PLCXD3: variants seen among roughly 807,000 people sequenced by gnomAD.
PLCXD3 encodes phosphatidylinositol specific phospholipase C X domain containing 3, also known as PI-PLC X domain-containing protein 3.
Under a neutral mutation model 25.5 loss-of-function variants are expected in PLCXD3, and 19 were observed. The observed-to-expected ratio is 0.75, with a 90% CI of 0.52 to 1.09. The LOEUF (loss-of-function observed/expected upper bound fraction) is 1.09, where lower values mean the gene tolerates loss of function less well. PLCXD3 is among the 50% of genes least tolerant of loss of function. The pLI is 0.00. For missense variants in PLCXD3, 411 were observed against 388.1 expected (o/e 1.06, Z -0.50); for synonymous variants, 174 against 137.6 (o/e 1.26, Z -1.85).
rs538921592 is a variant in PLCXD3 at position 41,307,206 on chromosome 5, A to G, written c.*6411T>C. ...CCAGCTCTGCAAATTCCCATCCTCCAGAAATGAAGCAAATCAACACAAATG... is the reference window on the plus strand; with the variant it reads ...CCAGCTCTGCAAATTCCCATCCTCCGGAAATGAAGCAAATCAACACAAATG... On this transcript the variant is annotated 3_prime_UTR_variant, in exon 3 of 3. Coordinates refer to ENST00000377801, the MANE Select transcript of PLCXD3 (RefSeq NM_001005473.3). The G allele has an allele frequency of 1.3e-5, 2 of 152,710 alleles. No homozygotes were observed. Among genetic ancestry groups the G allele is most frequent in the Non-Finnish European group, 2.9e-5 (2 of 68,012 alleles). The allele number at this position is 152,710 out of a possible 1,614,324, so 9.5% of individuals were successfully genotyped here. A position where few individuals can be genotyped will look rare whatever the true frequency, so the allele number is the denominator to read the frequency against.
At chr5:41,444,226 TAG>T (rs1426854936) in intron 1 of PLCXD3, among the ~76,000 whole-genome samples, 1 of 152,190 alleles carries the variant, frequency 6.6e-6, no homozygotes, top group East Asian at 1.9e-4. Flanking sequence ...TCCCACAGAT[TAG>T]GGTTTGTTGA....
intron 1 of PLCXD3, among the ~76,000 whole-genome samples, chr5:41,445,519 A>G (rs1747473687): frequency 6.6e-6 from 1 of 152,224 alleles, no homozygotes; most frequent in African/African-American, 2.4e-5. Flanking sequence ...TATGCCACCA[A>G]TTCTCCTCAC....
chr5:41,467,908 T>A (rs1398827084), intron 1 of PLCXD3, among the ~76,000 whole-genome samples: 1 of 151,966 alleles, frequency 6.6e-6, no homozygotes. Flanking sequence ...TTGTGTTCCA[T>A]GGGTTGATGT....
chr5:41,413,343 G>A (rs1398340060), intron 1 of PLCXD3, among the ~76,000 whole-genome samples: 1 of 152,168 alleles, frequency 6.6e-6, no homozygotes, highest in African/African-American at 2.4e-5. Context: ...GAACCATTTT[G>A]TTTCTGCACT....
At chr5:41,375,030 C>T (rs554328487) in intron 2 of PLCXD3, among the ~76,000 whole-genome samples, 1 of 152,200 alleles carries the variant, frequency 6.6e-6, no homozygotes, top group East Asian at 1.9e-4. Context: ...CTAGACCCAT[C>T]CCTTCCGGGT....
chr5:41,405,217 T>A (rs973401898), intron 1 of PLCXD3, among the ~76,000 whole-genome samples: 1 of 152,124 alleles, frequency 6.6e-6, no homozygotes, highest in Admixed American at 6.6e-5. Flanking sequence ...TTGTTTGAGG[T>A]CTTTTTCTAG....
chr5:41,477,530 A>G (rs1331415177), intron 1 of PLCXD3, among the ~76,000 whole-genome samples: 1 of 152,098 alleles, frequency 6.6e-6, no homozygotes, highest in African/African-American at 2.4e-5. Flanking sequence ...ACATCAAAGA[A>G]TCAGGTGCAT....
chr5:41,401,011 A>AT (rs55886542), intron 1 of PLCXD3, among the ~76,000 whole-genome samples: 139,937 of 151,896 alleles, frequency 0.92, 64,899 homozygotes, highest in African/African-American at 0.97. Context: ...GCTAAAAAAA[A>AT]AATAAAAAAG....
At chr5:41,315,130 T>G (rs1241548455) in intron 2 of PLCXD3, among the ~76,000 whole-genome samples, 1 of 152,156 alleles carries the variant, frequency 6.6e-6, no homozygotes, top group African/African-American at 2.4e-5. Flanking sequence ...ATACAGGTGA[T>G]GTTAATGATG....
intron 1 of PLCXD3, among the ~76,000 whole-genome samples, chr5:41,417,881 T>C (rs777775773): frequency 5.9e-5 from 9 of 152,152 alleles, no homozygotes; most frequent in Non-Finnish European, 1.3e-4. Context: ...ACTGAGCAGG[T>C]TGTTGGAGAT....
At chr5:41,422,776 A>G (rs1432010740) in intron 1 of PLCXD3, among the ~76,000 whole-genome samples, 1 of 151,964 alleles carries the variant, frequency 6.6e-6, no homozygotes, top group Non-Finnish European at 1.5e-5. Context: ...TAAAAGTGGC[A>G]TTTTTTTCCA....
intron 1 of PLCXD3, among the ~76,000 whole-genome samples, chr5:41,431,326 T>C (rs1747095892): frequency 6.6e-6 from 1 of 152,188 alleles, no homozygotes; most frequent in South Asian, 2.1e-4. Context: ...GAATATACAT[T>C]AGAGGTTATG....
chr5:41,485,004 A>G (rs1051333568), intron 1 of PLCXD3, among the ~76,000 whole-genome samples: 14 of 152,204 alleles, frequency 9.2e-5, no homozygotes, highest in African/African-American at 3.4e-4. Flanking sequence ...AGGTATAAAC[A>G]GGGATAGGTG....
intron 1 of PLCXD3, among the ~76,000 whole-genome samples, chr5:41,425,388 G>C (rs563189830): frequency 1.0e-3 from 158 of 151,854 alleles, no homozygotes; most frequent in Non-Finnish European, 1.9e-3. Context: ...CCATATACCT[G>C]CTTCCCCAGT....
chr5:41,459,227 T>C (rs1458518361), intron 1 of PLCXD3, among the ~76,000 whole-genome samples: 1 of 151,816 alleles, frequency 6.6e-6, no homozygotes, highest in Admixed American at 6.6e-5. Flanking sequence ...TTTGAACAGG[T>C]TAGGTGGGGT....
chr5:41,493,221 C>T (rs1430223402), intron 1 of PLCXD3, among the ~76,000 whole-genome samples: 2 of 152,146 alleles, frequency 1.3e-5, no homozygotes, highest in African/African-American at 4.8e-5. Flanking sequence ...GCCTGGGTAC[C>T]AGCAGGGGTG....
intron 1 of PLCXD3, among the ~76,000 whole-genome samples, chr5:41,504,943 A>G (rs1297042332): frequency 6.6e-6 from 1 of 152,202 alleles, no homozygotes; most frequent in Non-Finnish European, 1.5e-5. Context: ...GGACTGGTAA[A>G]GTGTAGAGAA....
In PLCXD3 at chr5:41,399,003, T is replaced by A. The variant is rs140561904; in HGVS notation, c.104-16469A>T. Among the ~76,000 whole-genome samples, 3 of 152,274 alleles carry A rather than the reference T, an allele frequency of 2.0e-5. No individual in the cohort carries two copies. In the East Asian group the frequency reaches 5.8e-4, roughly 29 times the overall value. On this transcript the variant is annotated intron_variant, in intron 1 of 2. Coordinates refer to ENST00000377801, the MANE Select transcript of PLCXD3 (RefSeq NM_001005473.3). ...GAACTTATAAACAAATTTAGTAAAG[T>A]TGCAGGATATAAAATCAACATACAA...
chr5:41,393,061 A>G (rs528660934), intron 1 of PLCXD3, among the ~76,000 whole-genome samples: 1 of 152,294 alleles, frequency 6.6e-6, no homozygotes, highest in South Asian at 2.1e-4. Flanking sequence ...ACTTAGACAG[A>G]ATCTAGAAAA....
Sources: gnomAD v4.1 joint callset for allele counts (sites outside exome capture counted in the v4.1 genomes callset) on GRCh38, gnomAD v4.1.1 for gene constraint, MANE v1.5 for transcripts, NCBI Gene and HGNC (gene_info 2026-07-23, HGNC 2026-07-21) for gene names.